PCDHGA11: variants seen among roughly 807,000 people sequenced by gnomAD.
PCDHGA11 encodes protocadherin gamma-A11.
Under a neutral mutation model 60.4 loss-of-function variants are expected in PCDHGA11, and 39 were observed. The observed-to-expected ratio is 0.65, with a 90% CI of 0.50 to 0.84. The LOEUF is 0.84. PCDHGA11 is among the 40% of genes least tolerant of loss of function. PCDHGA11 has a pLI of 0.00. For synonymous variants in PCDHGA11, 533 were observed against 510.3 expected (o/e 1.04, Z -0.60); for missense variants, 1,165 against 1,197.7 (o/e 0.97, Z 0.40).
Position 141,431,432 on chromosome 5 carries a change from AC to A in PCDHGA11, c.2433+7774del. 2 of 1,613,692 alleles carry A rather than the reference AC, an allele frequency of 1.2e-6. No individual in the cohort carries two copies. Among genetic ancestry groups the A allele is most frequent in the Non-Finnish European group, 1.7e-6 (2 of 1,180,026 alleles). On this transcript the variant is annotated intron_variant, in intron 1 of 3. Transcript: ENST00000398587. The surrounding 1 kb of genome is among the most constrained non-coding windows in gnomAD (Gnocchi z 4.8). ...CGGGGGCGACCCGGTGCGCACAGGC[AC>A]CGCGCGCATCCGCGTGATGGTTCTG... is the stretch of plus-strand genomic sequence containing the variant.
chr5:141,486,671 C>T lies in PCDHGA11; in HGVS notation c.2434-8136C>T, dbSNP rs1307620045. The T allele has an allele frequency of 1.9e-6, 3 of 1,613,926 alleles. No homozygotes were observed. Among genetic ancestry groups the T allele is most frequent in the South Asian group, 1.1e-5 (1 of 91,078 alleles). On this transcript the variant is annotated intron_variant, in intron 1 of 3. Coordinates refer to ENST00000398587, the MANE Select transcript of PCDHGA11 (RefSeq NM_018914.3). This position sits in a 1 kb window ranked among gnomAD's most constrained non-coding sequence, Gnocchi z 5.0. Reference sequence around the variant, plus strand: ...CTACTCACTCCTGGAGCCCAGGAATCGAGATGTATCAGCTTCCTCTTTCAT... The same window carrying T: ...CTACTCACTCCTGGAGCCCAGGAATTGAGATGTATCAGCTTCCTCTTTCAT...
rs2099756055 is a variant in PCDHGA11, at chr5:141,494,679, C to T, written c.2434-128C>T. The T allele has an allele frequency of 3.9e-6, 6 of 1,556,494 alleles. No homozygotes were observed. In the South Asian group the frequency reaches 4.7e-5, roughly 12 times the overall value. ...GTCTTTGGAGATGAGTCCACCCCTG[C>T]CCCCTCTTAGTCCGTTTTCTTCTCT... is the stretch of plus-strand genomic sequence containing the variant. On this transcript the variant is annotated intron_variant, in intron 1 of 3. Coordinates refer to ENST00000398587, the MANE Select transcript of PCDHGA11 (RefSeq NM_018914.3).
chr5:141,423,927 T>A, intron 1 of PCDHGA11: 1 of 1,240,434 alleles, frequency 8.1e-7, no homozygotes, highest in Non-Finnish European at 1.0e-6. Context: ...TATGCTGGTT[T>A]GGTTTGAAGT....
intron 1 of PCDHGA11, chr5:141,478,470 G>A (rs753075137): frequency 1.2e-6 from 2 of 1,613,686 alleles, no homozygotes; most frequent in Non-Finnish European, 1.7e-6. Context: ...CTGGCCAGCC[G>A]CCAGAACACG....
Position 141,477,464 on chromosome 5 carries a change from A to G in PCDHGA11, c.2434-17343A>G. The G allele has an allele frequency of 1.2e-6, 2 of 1,614,188 alleles. No homozygotes were observed. The highest frequency in any genetic ancestry group is 1.7e-6 in the Non-Finnish European group (2 of 1,180,034). On this transcript the variant is annotated intron_variant, in intron 1 of 3. Coordinates refer to ENST00000398587, the MANE Select transcript of PCDHGA11 (RefSeq NM_018914.3). This position sits in a 1 kb window ranked among gnomAD's most constrained non-coding sequence, Gnocchi z 4.9. ...AATAGTGCGTGTTCAAGTGTCCGAC[A>G]TCAATGACAACCCTCCACAATCTTC...
intron 1 of PCDHGA11, among the ~76,000 whole-genome samples, chr5:141,448,784 C>CAA (rs576464275): frequency 4.8e-5 from 7 of 145,806 alleles, no homozygotes; most frequent in East Asian, 2.0e-4. Context: ...ACTAAAAATA[C>CAA]AAAAAAAAAA....
rs200715621 is a variant in PCDHGA11 at position 141,432,628 on chromosome 5, G to A, written c.2433+8968G>A. 3.2e-4 allele frequency: 515 copies of A among 1,611,902 alleles called. No individual in the cohort carries two copies. Among genetic ancestry groups the A allele is most frequent in the Non-Finnish European group, 4.2e-4 (497 of 1,179,404 alleles). On this transcript the variant is annotated intron_variant, in intron 1 of 3. Coordinates refer to ENST00000398587, the MANE Select transcript of PCDHGA11 (RefSeq NM_018914.3). The surrounding 1 kb of genome is among the most constrained non-coding windows in gnomAD (Gnocchi z 6.0). ...GACTCTTCTCGGTGGGTCTGCACAC[G>A]GGCGAGGTGCGCACGGCGCGAGCCC...
chr5:141,474,011 A>T (rs910186122), intron 1 of PCDHGA11, among the ~76,000 whole-genome samples: 2 of 152,112 alleles, frequency 1.3e-5, no homozygotes, highest in Non-Finnish European at 2.9e-5. Flanking sequence ...TGGAAGTTAC[A>T]GTGAGCTATG....
intron 1 of PCDHGA11, among the ~76,000 whole-genome samples, chr5:141,479,817 A>T (rs773702225): frequency 6.6e-6 from 1 of 152,230 alleles, no homozygotes; most frequent in Non-Finnish European, 1.5e-5. Flanking sequence ...CAAGGATACT[A>T]TCCAAGGCAT....
At position 141,491,098 on chromosome 5, in the gene PCDHGA11, C is replaced by A. The variant is rs1283499077; in HGVS notation, c.2434-3709C>A. ...ACAGTCCACAGCCCCAGGACTGTTC[C>A]TCGTGTCTACACACACTGGTGAGGT... On this transcript the variant is annotated intron_variant, in intron 1 of 3. Coordinates refer to ENST00000398587, the MANE Select transcript of PCDHGA11 (RefSeq NM_018914.3). This position sits in a 1 kb window ranked among gnomAD's most constrained non-coding sequence, Gnocchi z 6.9. 6.2e-7 allele frequency: 1 copy of A among 1,614,216 alleles called. No individual in the cohort carries two copies. Among genetic ancestry groups the A allele is most frequent in the Non-Finnish European group, 8.5e-7 (1 of 1,180,038 alleles).
chr5:141,444,152 ATTTTTTTTTTTTTTTTTTTTTTTTT>A (rs747671382), intron 1 of PCDHGA11, among the ~76,000 whole-genome samples: 1 of 33,882 alleles, frequency 3.0e-5, no homozygotes, highest in Non-Finnish European at 5.2e-5. Context: ...TGTGTACTGG[ATTTTTTTTTTTTTTTTTTTTTTTTT>A]TTTTTTTTTT....
intron 2 of PCDHGA11, 166 bp from the exon 3 acceptor site, chr5:141,505,227 T>C: frequency 1.2e-6 from 1 of 840,112 alleles, no homozygotes; most frequent in Non-Finnish European, 1.4e-6. Context: ...TGTGGGATTC[T>C]GGCTTCTGAA....
chr5:141,475,820 C>T (rs890721743), intron 1 of PCDHGA11: 2 of 351,808 alleles, frequency 5.7e-6, no homozygotes, highest in African/African-American at 2.1e-5. Context: ...AAGTTCCTGG[C>T]GCTAGCGCGT....
chr5:141,433,460 T>C (rs892333304), intron 1 of PCDHGA11, among the ~76,000 whole-genome samples: 1 of 152,064 alleles, frequency 6.6e-6, no homozygotes, highest in Non-Finnish European at 1.5e-5. Context: ...GATCTGAAAC[T>C]TGGGCTCAGG....
At chr5:141,463,900 C>G (rs879243077) in intron 1 of PCDHGA11, among the ~76,000 whole-genome samples, 4 of 152,168 alleles carry the variant, frequency 2.6e-5, no homozygotes, top group Admixed American at 2.6e-4. Context: ...GCTTTTTGTA[C>G]TAATAATATA....
rs200349213 is a variant in PCDHGA11 at position 141,425,728 on chromosome 5, GGAT to G, written c.2433+2070_2433+2072del. Among the ~76,000 whole-genome samples the G allele has an allele frequency of 9.8e-4, 149 of 152,196 alleles. 2 individuals carry two copies. In the East Asian group the frequency reaches 0.027, roughly 28 times the overall value. ...AAAATTTTCCCATACCACTTGATGG[GGAT>G]GTTTTCCCACAAGGTTTTTGTTCTA... On this transcript the variant is annotated intron_variant, in intron 1 of 3. Transcript: ENST00000398587.
intron 1 of PCDHGA11, among the ~76,000 whole-genome samples, chr5:141,482,529 GC>G (rs1229840218): frequency 3.6e-5 from 2 of 56,040 alleles, no homozygotes; most frequent in Non-Finnish European, 5.8e-5. Context: ...AGACAGACAT[GC>G]AAAAAAAAAA....
rs183549806 is a variant in PCDHGA11 at position 141,487,760 on chromosome 5, G to A, written c.2434-7047G>A. ...TGTAAGAGGTAACTATGTGGTAGAC[G>A]CTGTGCTTTGTAACTGTTTCGTGAA... On this transcript the variant is annotated intron_variant, in intron 1 of 3. Transcript: ENST00000398587. The surrounding 1 kb of genome is among the most constrained non-coding windows in gnomAD (Gnocchi z 5.0). 42 of 1,545,950 alleles carry A rather than the reference G, an allele frequency of 2.7e-5. No homozygotes were observed. The African/African-American group carries it at 3.8e-4, about 14-fold the overall frequency.
At chr5:141,464,861 C>G (rs1178430383) in intron 1 of PCDHGA11, among the ~76,000 whole-genome samples, 1 of 152,134 alleles carries the variant, frequency 6.6e-6, no homozygotes, top group Non-Finnish European at 1.5e-5. Flanking sequence ...ACCTTAGCCT[C>G]CCAAGTAGCT....
Sources: gnomAD v4.1 joint callset for allele counts (sites outside exome capture counted in the v4.1 genomes callset) on GRCh38, gnomAD v4.1.1 for gene constraint, Gnocchi (gnomAD v3.1) non-coding constraint, MANE v1.5 for transcripts, NCBI Gene and HGNC (gene_info 2026-07-23, HGNC 2026-07-21) for gene names.